TFRC: variants seen among roughly 807,000 people sequenced by gnomAD.
TFRC encodes the protein transferrin receptor protein 1.
TFRC carries 35 observed loss-of-function variants against 85.8 expected under a neutral mutation model. The observed-to-expected ratio is 0.41, with a 90% CI of 0.31 to 0.54. The LOEUF (loss-of-function observed/expected upper bound fraction) is 0.54. TFRC is among the 20% of genes least tolerant of loss of function. The probability of loss-of-function intolerance (pLI) is 0.31; values close to 1 mark genes in which losing one functional copy is unlikely to be tolerated. For synonymous variants in TFRC, 362 were observed against 328.6 expected (o/e 1.10, Z -1.10); for missense variants, 828 against 921.5 (o/e 0.90, Z 1.31).
intron 9 of TFRC, among the ~76,000 whole-genome samples, chr3:196,066,987 G>T (rs982488155): frequency 1.2e-4 from 18 of 152,170 alleles, no homozygotes; most frequent in African/African-American, 3.6e-4. Flanking sequence ...TGTTTTTAAA[G>T]AGAGACACTA....
At chr3:196,058,691 G>A (rs1717025216) in intron 14 of TFRC, 59 bp from the exon 15 acceptor site, 3 of 1,222,362 alleles carry the variant, frequency 2.5e-6, no homozygotes, top group African/African-American at 3.0e-5. Flanking sequence ...ATTCAGGCTA[G>A]TCACTAACAT....
Position 196,055,178 on chromosome 3 carries a change from G to A in TFRC, c.1801C>T (p.Leu601=). The change falls in exon 17 of 19, where the codon CTA becomes TTA. Residue 601 remains leucine, a synonymous_variant. Coordinates refer to ENST00000360110, the MANE Select transcript of TFRC (RefSeq NM_001128148.3). ...AEVAGQFVIK[L]THDVELNLDY... is the part of the protein sequence containing the mutation. ...AGGTTCAATTCAACATCATGGGTTAGTTTAATCACGAACTGACCAGCGACC... is the reference window on the plus strand; with the variant it reads ...AGGTTCAATTCAACATCATGGGTTAATTTAATCACGAACTGACCAGCGACC... 5 of 1,614,228 alleles carry A rather than the reference G, an allele frequency of 3.1e-6. No individual in the cohort carries two copies. Among genetic ancestry groups the A allele is most frequent in the Non-Finnish European group, 4.2e-6 (5 of 1,180,034 alleles).
Position 196,051,478 on chromosome 3 carries a change from C to A in TFRC, c.*464G>T. On this transcript the variant is annotated 3_prime_UTR_variant, in exon 19 of 19. Transcript: ENST00000360110. ...CAGGAATGAGGAAACCAGCTACATT[C>A]CTTATGGAAAGGCTTAGATCTCATT... is the stretch of plus-strand genomic sequence containing the variant. 2 of 221,598 alleles carry A rather than the reference C, an allele frequency of 9.0e-6. No individual in the cohort carries two copies. The highest frequency in any genetic ancestry group is 1.8e-5 in the Non-Finnish European group (2 of 110,656). 13.7% of individuals were successfully genotyped at this position (221,598 alleles called of 1,614,324 possible).
At chr3:196,074,604 G>C (rs778714803) in intron 3 of TFRC, among the ~76,000 whole-genome samples, 1 of 152,188 alleles carries the variant, frequency 6.6e-6, no homozygotes, top group Non-Finnish European at 1.5e-5. Flanking sequence ...TAAAGTGGAC[G>C]GGAAAGTGGC....
At chr3:196,057,063 G>A (rs9810979) in intron 16 of TFRC, among the ~76,000 whole-genome samples, 3,015 of 152,160 alleles carry the variant, frequency 0.02, 58 homozygotes, top group African/African-American at 0.05. Flanking sequence ...TTCGTAATCC[G>A]CCTTCCTTGG....
chr3:196,055,332 C>T (rs1448886539), intron 16 of TFRC, 31 bp from the exon 17 acceptor site: 4 of 1,582,314 alleles, frequency 2.5e-6, no homozygotes, highest in South Asian at 1.1e-5. Context: ...ATGGTACTCA[C>T]GTGAGTTCTA....
chr3:196,076,184 A>G (rs1422021178), intron 2 of TFRC, among the ~76,000 whole-genome samples: 2 of 152,058 alleles, frequency 1.3e-5, no homozygotes, highest in Non-Finnish European at 2.9e-5. Context: ...AAATACAAAT[A>G]AGAGAGAATT....
intron 7 of TFRC, among the ~76,000 whole-genome samples, chr3:196,069,170 G>A (rs942420159): frequency 6.6e-6 from 1 of 152,066 alleles, no homozygotes; most frequent in African/African-American, 2.4e-5. Flanking sequence ...AGTTCCTTGT[G>A]TATGTTTGGC....
At chr3:196,060,894 C>A (rs550460648) in intron 13 of TFRC, among the ~76,000 whole-genome samples, 1 of 151,698 alleles carries the variant, frequency 6.6e-6, no homozygotes, top group African/African-American at 2.4e-5. Context: ...AAATCCACTG[C>A]CCCCACACAT....
chr3:196,056,173 A>C (rs1436234142), intron 16 of TFRC, among the ~76,000 whole-genome samples: 1 of 149,578 alleles, frequency 6.7e-6, no homozygotes, highest in East Asian at 1.9e-4. Context: ...AGTTGGGACT[A>C]CAGCTGGCCA....
At chr3:196,065,388 A>C in intron 10 of TFRC, 55 bp downstream of exon 10, 4 of 1,049,766 alleles carry the variant, frequency 3.8e-6, no homozygotes, top group Non-Finnish European at 3.8e-6. Flanking sequence ...ATCCTTAGGA[A>C]CAGAAAAGAA....
chr3:196,075,886 G>GT (rs200009621), intron 2 of TFRC, among the ~76,000 whole-genome samples: 2,711 of 151,770 alleles, frequency 0.018, 43 homozygotes, highest in Non-Finnish European at 0.025. Context: ...AGCACTCTGG[G>GT]GGGGGCCGAG....
At chr3:196,052,803 A>G (rs1716443349) in intron 18 of TFRC, among the ~76,000 whole-genome samples, 1 of 152,084 alleles carries the variant, frequency 6.6e-6, no homozygotes, top group South Asian at 2.1e-4. Flanking sequence ...GGCTAATGCT[A>G]ATCTTCTAAG....
intron 15 of TFRC, 73 bp downstream of exon 15, chr3:196,058,501 T>C (rs1717005696): frequency 6.6e-7 from 1 of 1,508,740 alleles, no homozygotes; most frequent in East Asian, 2.3e-5. Context: ...AGGACAGATT[T>C]AGATTCTACC....
rs1201867287 is a variant in TFRC at position 196,050,998 on chromosome 3, T to C, written c.*944A>G. The C allele has an allele frequency of 4.9e-6, 1 of 203,860 alleles. No homozygotes were observed. Among genetic ancestry groups the C allele is most frequent in the Non-Finnish European group, 1.0e-5 (1 of 99,244 alleles). 12.6% of individuals were successfully genotyped at this position (203,860 alleles called of 1,614,324 possible). A position where few individuals can be genotyped will look rare whatever the true frequency, so the allele number is the denominator to read the frequency against. On this transcript the variant is annotated 3_prime_UTR_variant, in exon 19 of 19. Coordinates refer to ENST00000360110, the MANE Select transcript of TFRC (RefSeq NM_001128148.3). ...TGTCATAATTATGGAAGGCACTGCT[T>C]CCGATAATTATATTCTATTAAAAAA...
At chr3:196,056,019 G>A (rs1373102851) in intron 16 of TFRC, among the ~76,000 whole-genome samples, 2 of 151,692 alleles carry the variant, frequency 1.3e-5, no homozygotes, top group African/African-American at 4.8e-5. Flanking sequence ...ACCCAGGCTG[G>A]AGTGCAGTGA....
At position 196,068,617 on chromosome 3, in the gene TFRC, A is replaced by G. The variant is rs1467439552; in HGVS notation, c.802-487T>C. 4.3e-4 allele frequency among the ~76,000 whole-genome samples: 64 copies of G among 147,576 alleles called. No individual in the cohort carries two copies. In the South Asian group the frequency reaches 0.013, roughly 29 times the overall value. On this transcript the variant is annotated intron_variant, in intron 7 of 18. Transcript: ENST00000360110. ...AAGAGCAAAACTCCCTCTCAAAAAA[A>G]AAAAAAAAAAAAAAAAAAGAATAAC...
In TFRC at chr3:196,053,538, C is replaced by CTT; in HGVS notation, c.1919_1920insAA (p.Trp641SerfsTer17). ...AGTCTCCACGAGCAGAATACAGCCACTGTAAACTCAGGCCCATTTCCTGAA... is the reference window on the plus strand; with the variant it reads ...AGTCTCCACGAGCAGAATACAGCCACTTTGTAAACTCAGGCCCATTTCCTGAA... On this transcript the variant is annotated frameshift_variant, in exon 18 of 19. Coordinates refer to ENST00000360110, the MANE Select transcript of TFRC (RefSeq NM_001128148.3). LOFTEE classifies it high-confidence loss of function. 1 of 1,614,176 alleles carries CTT rather than the reference C, an allele frequency of 6.2e-7. No homozygotes were observed. Among genetic ancestry groups the CTT allele is most frequent in the Non-Finnish European group, 8.5e-7 (1 of 1,180,028 alleles).
rs148276433 is a variant in TFRC at position 196,055,784 on chromosome 3, C to T, written c.1678-483G>A. On this transcript the variant is annotated intron_variant, in intron 16 of 18. Coordinates refer to ENST00000360110, the MANE Select transcript of TFRC (RefSeq NM_001128148.3). ...GTGCAGCAATGCAATCATGACTCCC[C>T]GCAGCCTTGAGACAAGGTCTCTGTC... Among the ~76,000 whole-genome samples, 501 of 149,908 alleles carry T rather than the reference C, an allele frequency of 3.3e-3. 1 individual carries two copies. Among genetic ancestry groups the T allele is most frequent in the Middle Eastern group, 7.0e-3 (2 of 284 alleles).
Sources: allele counts gnomAD v4.1 joint callset (sites outside exome capture counted in the v4.1 genomes callset), GRCh38; gene constraint gnomAD v4.1.1; transcripts MANE v1.5; gene names NCBI Gene and HGNC (gene_info 2026-07-23, HGNC 2026-07-21).